The following ASTN2 variants were observed in gnomAD, a reference collection of about 807,000 sequenced individuals.
ASTN2 encodes the protein astrotactin 2.
A neutral mutation model predicts 139.8 loss-of-function variants in ASTN2; 54 were observed. The ratio of observed to expected loss-of-function variants is 0.39; its 90% CI spans 0.31 to 0.48. ASTN2 has a LOEUF of 0.48. Among genes scored for constraint, ASTN2 ranks in the 20% least tolerant of loss-of-function variants. ASTN2 has a pLI of 0.95. For synonymous variants in ASTN2, 756 were observed against 719.5 expected, an observed-to-expected ratio of 1.05 and a Z score of -0.81; for missense variants, 1,565 against 1,725.1, an observed-to-expected ratio of 0.91 and a Z score of 1.64.
At chr9:117,121,199 A>C (rs1829549812) in intron 4 of ASTN2, among the ~76,000 whole-genome samples, 1 of 152,234 alleles carries the variant, frequency 6.6e-6, no homozygotes, top group Non-Finnish European at 1.5e-5. Flanking sequence ...TGGACCATCT[A>C]GATATTTCAC....
intron 16 of ASTN2, among the ~76,000 whole-genome samples, chr9:116,683,734 T>A (rs114451186): frequency 0.015 from 2,217 of 152,324 alleles, 61 homozygotes; most frequent in African/African-American, 0.05. Flanking sequence ...TAGAGCATAT[T>A]TGTTTCTCTC....
chr9:117,290,830 C>T (rs1200473177), intron 2 of ASTN2, among the ~76,000 whole-genome samples: 1 of 152,178 alleles, frequency 6.6e-6, no homozygotes, highest in Non-Finnish European at 1.5e-5. Flanking sequence ...TCTGTGGACC[C>T]CCACAATGGC....
chr9:117,235,465 C>T (rs1441876448), intron 2 of ASTN2, among the ~76,000 whole-genome samples: 1 of 152,144 alleles, frequency 6.6e-6, no homozygotes, highest in Non-Finnish European at 1.5e-5. Flanking sequence ...ATTATTAGAA[C>T]CCAGACCTCT....
At chr9:117,016,623 T>TAAC (rs1491376132) in intron 6 of ASTN2, among the ~76,000 whole-genome samples, 13 of 4,880 alleles carry the variant, frequency 2.7e-3, no homozygotes, top group African/African-American at 4.6e-3. Context: ...TATCTATCTA[T>TAAC]CTATATATAT....
intron 16 of ASTN2, among the ~76,000 whole-genome samples, chr9:116,656,482 G>T (rs1218678776): frequency 6.6e-6 from 1 of 152,016 alleles, no homozygotes; most frequent in Non-Finnish European, 1.5e-5. Context: ...AACAGGCCAA[G>T]GAAAAAGAAC....
At position 117,063,582 on chromosome 9, in the gene ASTN2, T is replaced by G. The variant is rs1373889965; in HGVS notation, c.1277-23617A>C. Among the ~76,000 whole-genome samples the G allele has an allele frequency of 2.0e-5, 3 of 152,324 alleles. No homozygotes were observed. The East Asian group carries it at 5.8e-4, about 29-fold the overall frequency. On this transcript the variant is annotated intron_variant, in intron 5 of 22. Transcript: ENST00000313400. ...AAGTCCAATTAAACCCTTTTTCCTG[T>G]ATAAATTACCAAGTCTAGGGTATAT...
chr9:116,911,790 G>T (rs1349886549), intron 10 of ASTN2, among the ~76,000 whole-genome samples: 1 of 152,126 alleles, frequency 6.6e-6, no homozygotes, highest in African/African-American at 2.4e-5. Flanking sequence ...TGTTGTCTGG[G>T]AGGCTGAGGC....
intron 7 of ASTN2, among the ~76,000 whole-genome samples, chr9:116,982,313 A>G (rs1157147420): frequency 2.6e-5 from 4 of 152,168 alleles, no homozygotes; most frequent in African/African-American, 9.7e-5. Context: ...TGCCTGTGGG[A>G]AGGATCAAGT....
At chr9:116,830,885 T>G (rs1831794093) in intron 11 of ASTN2, among the ~76,000 whole-genome samples, 1 of 151,648 alleles carries the variant, frequency 6.6e-6, no homozygotes, top group South Asian at 2.1e-4. Context: ...TATTTCATAA[T>G]AGCAAAAATA....
intron 16 of ASTN2, among the ~76,000 whole-genome samples, chr9:116,721,022 C>T (rs1317702752): frequency 6.6e-6 from 1 of 152,186 alleles, no homozygotes. Context: ...TACATACACA[C>T]AAACATACAC....
Position 116,519,810 on chromosome 9 carries a change from A to T in ASTN2, c.3356-32310T>A, listed in dbSNP as rs563656001. On this transcript the variant is annotated intron_variant, in intron 19 of 22. Coordinates refer to ENST00000313400, the MANE Select transcript of ASTN2 (RefSeq NM_001365068.1). ...AAGATCCAAATAAGCTCAATTAGAA[A>T]TAAAATGGGAGATATTACAACTGAT... Among the ~76,000 whole-genome samples the T allele has an allele frequency of 2.6e-5, 4 of 152,248 alleles. No individual in the cohort carries two copies. The South Asian group carries it at 8.3e-4, about 32-fold the overall frequency.
chr9:116,960,974 C>T (rs1001668209), intron 10 of ASTN2, among the ~76,000 whole-genome samples: 2 of 151,554 alleles, frequency 1.3e-5, no homozygotes, highest in Non-Finnish European at 2.9e-5. Flanking sequence ...TTAACTCAGT[C>T]CGGTCACACC....
chr9:117,403,800 T>G (rs1455981203), intron 1 of ASTN2, among the ~76,000 whole-genome samples: 1 of 152,054 alleles, frequency 6.6e-6, no homozygotes, highest in African/African-American at 2.4e-5. Context: ...CTCTAAGAGC[T>G]CTTCTGTCCC....
chr9:117,412,559 A>G (rs982420995), intron 1 of ASTN2, among the ~76,000 whole-genome samples: 4 of 152,308 alleles, frequency 2.6e-5, no homozygotes, highest in Admixed American at 2.6e-4. Context: ...CGGGGCACCT[A>G]TACAGATGGT....
chr9:116,787,423 G>C (rs950017325), intron 13 of ASTN2, among the ~76,000 whole-genome samples: 22 of 152,172 alleles, frequency 1.4e-4, no homozygotes, highest in African/African-American at 5.3e-4. Flanking sequence ...CTATTTCTTT[G>C]AAATGTAATC....
intron 6 of ASTN2, among the ~76,000 whole-genome samples, chr9:117,026,815 AG>A (rs999452983): frequency 1.3e-5 from 2 of 152,198 alleles, no homozygotes; most frequent in African/African-American, 4.8e-5. Flanking sequence ...TAGCTTTGGA[AG>A]GGGCTATTGT....
intron 10 of ASTN2, among the ~76,000 whole-genome samples, chr9:116,943,006 G>C (rs565349022): frequency 6.6e-6 from 1 of 152,280 alleles, no homozygotes; most frequent in African/African-American, 2.4e-5. Context: ...TTCCACTGAG[G>C]GGGTGATGGC....
Position 116,698,078 on chromosome 9 carries a change from C to T in ASTN2, c.2806+27693G>A. ...GGCGGCGTCTGCCCCGGCAATTCTGCCGGAGCTGTGGTTTGGTGTTATGTG... is the reference window on the plus strand; with the variant it reads ...GGCGGCGTCTGCCCCGGCAATTCTGTCGGAGCTGTGGTTTGGTGTTATGTG... On this transcript the variant is annotated intron_variant, in intron 16 of 22. Coordinates refer to ENST00000313400, the MANE Select transcript of ASTN2 (RefSeq NM_001365068.1). This position sits in a 1 kb window ranked among gnomAD's most constrained non-coding sequence, Gnocchi z 4.4. The T allele has an allele frequency of 6.2e-7, 1 of 1,614,128 alleles. No individual in the cohort carries two copies. The highest frequency in any genetic ancestry group is 8.5e-7 in the Non-Finnish European group (1 of 1,180,046).
intron 2 of ASTN2, among the ~76,000 whole-genome samples, chr9:117,265,126 A>T (rs1833912496): frequency 6.6e-6 from 1 of 152,188 alleles, no homozygotes; most frequent in South Asian, 2.1e-4. Flanking sequence ...CTCCAGAAGC[A>T]GTTCAGAAGA....
Sources: gnomAD v4.1 joint callset for allele counts (sites outside exome capture counted in the v4.1 genomes callset) on GRCh38, gnomAD v4.1.1 for gene constraint, Gnocchi (gnomAD v3.1) non-coding constraint, MANE v1.5 for transcripts, NCBI Gene and HGNC (gene_info 2026-07-23, HGNC 2026-07-21) for gene names.